Variants in GABBR2 observed in about 807,000 individuals in gnomAD.
The protein encoded by GABBR2 is G-protein coupled receptor 51.
GABBR2 carries 23 observed loss-of-function variants against 105.6 expected under a neutral mutation model. The ratio of observed to expected loss-of-function variants is 0.22; its 90% CI spans 0.16 to 0.31. GABBR2 has a LOEUF of 0.31. Among genes scored for constraint, GABBR2 ranks in the 10% least tolerant of loss-of-function variants. The pLI, the probability that GABBR2 is intolerant of heterozygous loss-of-function variation, is 1.00. For missense variants in GABBR2, 734 were observed against 1,245.5 expected (o/e 0.59, Z 6.18); for synonymous variants, 478 against 499.7 (o/e 0.96, Z 0.58).
intron 13 of GABBR2, among the ~76,000 whole-genome samples, chr9:98,324,169 G>A (rs1394755331): frequency 2.0e-5 from 3 of 152,138 alleles, no homozygotes; most frequent in South Asian, 2.1e-4. Context: ...TCCTCCCTGG[G>A]ACTCTGGCTG....
At chr9:98,352,468 T>G (rs779240778) in intron 13 of GABBR2, among the ~76,000 whole-genome samples, 22 of 152,032 alleles carry the variant, frequency 1.4e-4, no homozygotes, top group Non-Finnish European at 2.9e-4. Flanking sequence ...CCCTATGAAG[T>G]GCTCATGGAT....
At chr9:98,520,772 A>G (rs1031812031) in intron 3 of GABBR2, among the ~76,000 whole-genome samples, 1 of 152,216 alleles carries the variant, frequency 6.6e-6, no homozygotes, top group African/African-American at 2.4e-5. Context: ...ATATTGCTGA[A>G]GGCCAGGATG....
chr9:98,305,725 G>T (rs1830540695), intron 15 of GABBR2, among the ~76,000 whole-genome samples: 1 of 151,848 alleles, frequency 6.6e-6, no homozygotes, highest in Non-Finnish European at 1.5e-5. Flanking sequence ...TGAGGCAGGA[G>T]AATTGCTCGA....
chr9:98,702,079 C>A (rs1441969514), intron 1 of GABBR2, among the ~76,000 whole-genome samples: 1 of 152,048 alleles, frequency 6.6e-6, no homozygotes, highest in African/African-American at 2.4e-5. Context: ...ATGAAGAAAC[C>A]GAGGCAAACA....
At position 98,570,385 on chromosome 9, in the gene GABBR2, A is replaced by G. The variant is rs1427177412; in HGVS notation, c.459+7550T>C. ...GAGGAAATAGTGTTTGCGTTTTCCT[A>G]CGAGCAGCCCTTTATCCCTTTAGGA... On this transcript the variant is annotated intron_variant, in intron 2 of 18. Transcript: ENST00000259455. 1.3e-5 allele frequency among the ~76,000 whole-genome samples: 2 copies of G among 152,232 alleles called. 1 individual carries two copies. The highest frequency in any genetic ancestry group is 3.9e-4 in the East Asian group (2 of 5,190).
At chr9:98,662,580 A>G (rs976582894) in intron 1 of GABBR2, among the ~76,000 whole-genome samples, 5 of 152,204 alleles carry the variant, frequency 3.3e-5, no homozygotes, top group Non-Finnish European at 7.4e-5. Context: ...AGAGAAGGGT[A>G]AATTTCCAAC....
At chr9:98,503,700 C>A (rs966401316) in intron 3 of GABBR2, among the ~76,000 whole-genome samples, 16 of 152,160 alleles carry the variant, frequency 1.1e-4, no homozygotes, top group African/African-American at 3.6e-4. Flanking sequence ...CCACTGTCCC[C>A]CACAGTTTCC....
intron 13 of GABBR2, among the ~76,000 whole-genome samples, chr9:98,320,486 C>A (rs1470103861): frequency 3.3e-5 from 5 of 151,900 alleles, no homozygotes; most frequent in Admixed American, 3.3e-4. Flanking sequence ...GGGTATATAC[C>A]CAAAGGACTA....
At chr9:98,659,327 T>A (rs1267440273) in intron 1 of GABBR2, among the ~76,000 whole-genome samples, 1 of 152,174 alleles carries the variant, frequency 6.6e-6, no homozygotes, top group Non-Finnish European at 1.5e-5. Context: ...TGTTTATACA[T>A]CTTTTTTGTT....
chr9:98,476,500 G>A (rs1323998867), intron 5 of GABBR2, among the ~76,000 whole-genome samples: 1 of 152,124 alleles, frequency 6.6e-6, no homozygotes, highest in Non-Finnish European at 1.5e-5. Flanking sequence ...ACAGACAGAG[G>A]AAAGCAAAGC....
chr9:98,454,160 T>C lies in GABBR2; in HGVS notation c.1057A>G (p.Lys353Glu). The C allele has an allele frequency of 6.2e-7, 1 of 1,614,170 alleles. No homozygotes were observed. Among genetic ancestry groups the C allele is most frequent in the South Asian group, 1.1e-5 (1 of 91,078 alleles). The change falls in exon 7 of 19, where the codon AAG becomes GAG. Residue 353 changes from lysine (K) to glutamate (E), a missense_variant. This residue lies in a region of GABBR2 where 370 missense variants were observed against 648.9 expected (regional missense o/e 0.57). Transcript: ENST00000259455. The surrounding 1 kb of genome is among the most constrained non-coding windows in gnomAD (Gnocchi z 4.6). Reference protein sequence around the residue: ...NNKRSGVGPSKFHGYAYDGIW... With the variant: ...NNKRSGVGPSEFHGYAYDGIW... Reference sequence around the variant, plus strand: ...CCATCGTAGGCGTACCCGTGGAACTTGCTGGGCCCCACGCCTGACCGCTTG... The same window carrying C: ...CCATCGTAGGCGTACCCGTGGAACTCGCTGGGCCCCACGCCTGACCGCTTG...
intron 15 of GABBR2, among the ~76,000 whole-genome samples, chr9:98,304,525 G>A (rs1830519571): frequency 6.6e-6 from 1 of 152,242 alleles, no homozygotes; most frequent in African/African-American, 2.4e-5. Flanking sequence ...TGCAGGCAGA[G>A]AAGTCACGGT....
chr9:98,674,671 CAAG>C (rs1251743650), intron 1 of GABBR2, among the ~76,000 whole-genome samples: 2 of 152,102 alleles, frequency 1.3e-5, no homozygotes, highest in Non-Finnish European at 2.9e-5. Flanking sequence ...ACAGATGAGA[CAAG>C]AAGAGAGGCT....
intron 2 of GABBR2, among the ~76,000 whole-genome samples, chr9:98,566,151 C>A (rs371110002): frequency 7.4e-4 from 113 of 152,310 alleles, no homozygotes; most frequent in African/African-American, 2.5e-3. Flanking sequence ...CAGCCTGGGA[C>A]TTTCCTGGTT....
intron 1 of GABBR2, among the ~76,000 whole-genome samples, chr9:98,614,962 T>C (rs1829559524): frequency 6.6e-6 from 1 of 152,216 alleles, no homozygotes; most frequent in Admixed American, 6.5e-5. Flanking sequence ...CCTGTTGTTC[T>C]CTCAACCTGG....
At chr9:98,583,284 G>A (rs1028760245) in intron 1 of GABBR2, among the ~76,000 whole-genome samples, 2 of 152,156 alleles carry the variant, frequency 1.3e-5, no homozygotes, top group Non-Finnish European at 2.9e-5. Context: ...CATGATTCGC[G>A]TCCCAAATAG....
intron 12 of GABBR2, among the ~76,000 whole-genome samples, chr9:98,368,469 C>A (rs1313919529): frequency 6.6e-6 from 1 of 152,108 alleles, no homozygotes; most frequent in Admixed American, 6.5e-5. Context: ...CCGAGTTTCC[C>A]CTAGCTCAGG....
At chr9:98,575,340 G>A (rs1447953810) in intron 2 of GABBR2, among the ~76,000 whole-genome samples, 1 of 152,178 alleles carries the variant, frequency 6.6e-6, no homozygotes, top group Non-Finnish European at 1.5e-5. Flanking sequence ...GGTAGGAACA[G>A]TGTAAGAAAA....
At chr9:98,471,272 C>A (rs539521420) in intron 6 of GABBR2, among the ~76,000 whole-genome samples, 3 of 152,172 alleles carry the variant, frequency 2.0e-5, no homozygotes, top group African/African-American at 7.2e-5. Context: ...GAAGCCACCT[C>A]AATGGTCCTG....
Sources: gnomAD v4.1 joint callset for allele counts (sites outside exome capture counted in the v4.1 genomes callset) on GRCh38, gnomAD v4.1.1 for gene constraint, gnomAD v4.1.1 regional missense constraint, Gnocchi (gnomAD v3.1) non-coding constraint, MANE v1.5 for transcripts, NCBI Gene and HGNC (gene_info 2026-07-23, HGNC 2026-07-21) for gene names.